GALNT13: variants seen among roughly 807,000 people sequenced by gnomAD.
GALNT13 encodes polypeptide N-acetylgalactosaminyltransferase 13.
Under a neutral mutation model 64.2 loss-of-function variants are expected in GALNT13, and 28 were observed. That is an observed-to-expected ratio of 0.44 (90% CI 0.32 to 0.60). GALNT13 has a LOEUF of 0.60. GALNT13 is among the 20% of genes least tolerant of loss of function. The pLI is 0.05. For synonymous variants in GALNT13, 214 were observed against 224.6 expected, an observed-to-expected ratio of 0.95 and a Z score of 0.42; for missense variants, 577 against 669.8, an observed-to-expected ratio of 0.86 and a Z score of 1.53.
chr2:154,339,518 G>A (rs1415391708), intron 9 of GALNT13, among the ~76,000 whole-genome samples: 1 of 152,114 alleles, frequency 6.6e-6, no homozygotes, highest in African/African-American at 2.4e-5. Flanking sequence ...TCGTTATTTG[G>A]AAGGAAATTG....
chr2:154,351,682 C>CAAAAAAAAAAAAAA (rs567606376), intron 9 of GALNT13, among the ~76,000 whole-genome samples: 10 of 44,686 alleles, frequency 2.2e-4, no homozygotes, highest in Non-Finnish European at 3.4e-4. Context: ...GACTCCGTCT[C>CAAAAAAAAAAAAAA]AAAAAAAAAA....
At chr2:153,729,061 AAAG>A in the GALNT13 span, among the ~76,000 whole-genome samples, 2 of 152,170 alleles carry the variant, frequency 1.3e-5, no homozygotes, top group South Asian at 2.1e-4. Flanking sequence ...TCAGAGGTAC[AAAG>A]AAGAGCTGGT....
chr2:153,070,005 C>T, the GALNT13 span, among the ~76,000 whole-genome samples: 1 of 152,130 alleles, frequency 6.6e-6, no homozygotes, highest in African/African-American at 2.4e-5. Context: ...ATTTTGTCAG[C>T]TAAGTATTTA....
the GALNT13 span, among the ~76,000 whole-genome samples, chr2:153,641,512 G>C: frequency 6.6e-6 from 1 of 152,056 alleles, no homozygotes. Flanking sequence ...ATCCCATTTG[G>C]AATTGCCCAA....
the GALNT13 span, among the ~76,000 whole-genome samples, chr2:153,071,524 G>A: frequency 6.6e-6 from 1 of 152,160 alleles, no homozygotes; most frequent in Non-Finnish European, 1.5e-5. Flanking sequence ...GTGGTTATAT[G>A]TATGGACATT....
At chr2:153,266,780 A>G in the GALNT13 span, among the ~76,000 whole-genome samples, 1 of 152,220 alleles carries the variant, frequency 6.6e-6, no homozygotes, top group Non-Finnish European at 1.5e-5. Flanking sequence ...GAGCCAAAGC[A>G]TATCATTCAC....
At chr2:153,366,833 T>C in the GALNT13 span, among the ~76,000 whole-genome samples, 2 of 150,966 alleles carry the variant, frequency 1.3e-5, no homozygotes, top group Non-Finnish European at 2.9e-5. Flanking sequence ...AAGGCAGTCA[T>C]AGACAAAATT....
chr2:154,447,764 A>G (rs572230417), intron 12 of GALNT13, among the ~76,000 whole-genome samples: 2 of 152,012 alleles, frequency 1.3e-5, no homozygotes, highest in Non-Finnish European at 2.9e-5. Flanking sequence ...TCCAAATGTA[A>G]GAGTTGGTAA....
chr2:153,285,162 G>A, the GALNT13 span, among the ~76,000 whole-genome samples: 1 of 152,024 alleles, frequency 6.6e-6, no homozygotes, highest in Non-Finnish European at 1.5e-5. Context: ...GCAAGCAGGG[G>A]AAATGCCGGA....
chr2:154,123,243 G>A (rs936454043), intron 3 of GALNT13, among the ~76,000 whole-genome samples: 1 of 151,988 alleles, frequency 6.6e-6, no homozygotes, highest in African/African-American at 2.4e-5. Flanking sequence ...ACACAGAGAT[G>A]CATAGGTATG....
chr2:153,740,719 T>C, the GALNT13 span, among the ~76,000 whole-genome samples: 1 of 152,168 alleles, frequency 6.6e-6, no homozygotes, highest in African/African-American at 2.4e-5. Context: ...ATTAACTTCA[T>C]TTAACTCAAA....
chr2:154,125,591 C>CA, intron 3 of GALNT13, among the ~76,000 whole-genome samples: 1 of 151,790 alleles, frequency 6.6e-6, no homozygotes, highest in African/African-American at 2.4e-5. Context: ...TACAAAAACG[C>CA]AAAAAAGTGG....
At chr2:153,543,930 G>A in the GALNT13 span, among the ~76,000 whole-genome samples, 6 of 152,112 alleles carry the variant, frequency 3.9e-5, no homozygotes, top group African/African-American at 1.4e-4. Context: ...AATGAAGCAG[G>A]CAAACAGGTG....
chr2:154,276,265 G>A (rs1455625218), intron 8 of GALNT13, among the ~76,000 whole-genome samples: 1 of 151,570 alleles, frequency 6.6e-6, no homozygotes, highest in Non-Finnish European at 1.5e-5. Flanking sequence ...TGTTGTACAG[G>A]CTGGAGTACA....
the GALNT13 span, among the ~76,000 whole-genome samples, chr2:153,540,435 AGAG>A: frequency 6.6e-6 from 1 of 152,224 alleles, no homozygotes; most frequent in Non-Finnish European, 1.5e-5. Flanking sequence ...AGGGCAATGA[AGAG>A]GGGAAATGTG....
the GALNT13 span, among the ~76,000 whole-genome samples, chr2:153,822,668 A>T: frequency 6.6e-6 from 1 of 151,010 alleles, no homozygotes; most frequent in Non-Finnish European, 1.5e-5. Context: ...AAGGACTGGA[A>T]CACTGAATGG....
chr2:154,359,777 G>C (rs866471891), intron 9 of GALNT13, among the ~76,000 whole-genome samples: 1 of 152,094 alleles, frequency 6.6e-6, no homozygotes, highest in African/African-American at 2.4e-5. Flanking sequence ...ATTTGTACAA[G>C]CCTAGCTTGA....
the GALNT13 span, among the ~76,000 whole-genome samples, chr2:153,348,150 C>G: frequency 2.6e-5 from 4 of 152,154 alleles, no homozygotes; most frequent in African/African-American, 9.7e-5. Flanking sequence ...AATTTAATAA[C>G]AAATTTCCCT....
the GALNT13 span, among the ~76,000 whole-genome samples, chr2:153,365,894 T>C: frequency 1.3e-5 from 2 of 152,322 alleles, no homozygotes; most frequent in Non-Finnish European, 2.9e-5. Flanking sequence ...CTACTGGGTA[T>C]ATACCTAAAG....
Sources: allele counts gnomAD v4.1 joint callset (sites outside exome capture counted in the v4.1 genomes callset), GRCh38; gene constraint gnomAD v4.1.1; transcripts MANE v1.5; gene names NCBI Gene and HGNC (gene_info 2026-07-23, HGNC 2026-07-21).